The following C8orf88 variants were observed in gnomAD, a reference collection of about 807,000 sequenced individuals.
C8orf88 encodes the protein chromosome 8 open reading frame 88.
In C8orf88, 14 loss-of-function variants were observed where a neutral mutation model predicts 18.4. The observed-to-expected ratio is 0.76, with a 90% CI of 0.50 to 1.19. The LOEUF is 1.19. Ranked by LOEUF, C8orf88 falls within the 50% of genes most tolerant of loss-of-function variation. C8orf88 has a pLI of 0.00. For missense variants in C8orf88, 116 were observed against 134.7 expected, an observed-to-expected ratio of 0.86 and a Z score of 0.69; for synonymous variants, 45 against 42.9, an observed-to-expected ratio of 1.05 and a Z score of -0.19.
Position 90,971,124 on chromosome 8 carries a change from C to T in C8orf88, c.165G>A (p.Met55Ile), listed in dbSNP as rs905374249. The T allele has an allele frequency of 1.3e-6, 2 of 1,520,394 alleles. No individual in the cohort carries two copies. The highest frequency in any genetic ancestry group is 1.2e-5 in the South Asian group (1 of 81,396). 94.2% of individuals were successfully genotyped at this position (1,520,394 alleles called of 1,614,324 possible). The stretch of plus-strand genomic sequence containing the variant: ...CATTAAGACCTTGAGAAAAGGCTTG[C>T]ATTCCATTCGTCTTACACTGTTAAA... ...SGVSRCKTNG[M>I]QAFSQGLNEQ... Residue 55 changes from methionine (M) to isoleucine (I), a missense_variant, in exon 4 of 6, where the codon ATG becomes ATA. Met to Ile is a conservative substitution (Grantham distance 10). Coordinates refer to ENST00000517562, the MANE Select transcript of C8orf88 (RefSeq NM_001190972.2).
At chr8:90,984,835 G>A (rs567210713) in intron 1 of C8orf88, among the ~76,000 whole-genome samples, 2 of 152,202 alleles carry the variant, frequency 1.3e-5, no homozygotes, top group East Asian at 3.9e-4. Context: ...CTTTTTTGGC[G>A]ATGGCTTTGG....
In C8orf88 at chr8:90,977,928, C is replaced by A. The variant is rs143616164; in HGVS notation, c.147+651G>T. On this transcript the variant is annotated intron_variant, in intron 3 of 5. Coordinates refer to ENST00000517562, the MANE Select transcript of C8orf88 (RefSeq NM_001190972.2). ...TGCCATTGCACTCCAGCTTGGGCAA[C>A]AAGAGTGAAACTCCATCTCAAAAAC... Among the ~76,000 whole-genome samples the A allele has an allele frequency of 1.8e-3, 268 of 152,048 alleles. 2 individuals are homozygous for A. Among genetic ancestry groups the A allele is most frequent in the African/African-American group, 6.2e-3 (255 of 41,450 alleles).
Position 90,974,050 on chromosome 8 carries a change from G to A in C8orf88, c.148-2909C>T, listed in dbSNP as rs1185032423. Reference sequence around the variant, plus strand: ...TTAAAAAATAAAAAAGCCTATAGAAGAGAATGGGCAAAGGACAAGAAATGG... The same window carrying A: ...TTAAAAAATAAAAAAGCCTATAGAAAAGAATGGGCAAAGGACAAGAAATGG... On this transcript the variant is annotated intron_variant, in intron 3 of 5. Coordinates refer to ENST00000517562, the MANE Select transcript of C8orf88 (RefSeq NM_001190972.2). Among the ~76,000 whole-genome samples the A allele has an allele frequency of 3.3e-5, 5 of 152,178 alleles. No homozygotes were observed. The East Asian group carries it at 9.7e-4, about 29-fold the overall frequency.
At chr8:90,976,013 G>T (rs1811344152) in intron 3 of C8orf88, among the ~76,000 whole-genome samples, 3 of 150,656 alleles carry the variant, frequency 2.0e-5, no homozygotes, top group Admixed American at 2.0e-4. Context: ...CCAGCACCAA[G>T]GAATATACAT....
chr8:90,984,903 C>T (rs1256420361), intron 1 of C8orf88, among the ~76,000 whole-genome samples: 2 of 152,174 alleles, frequency 1.3e-5, no homozygotes, highest in African/African-American at 4.8e-5. Flanking sequence ...TCTTTCCCCT[C>T]ATCCGACGCT....
intron 4 of C8orf88, among the ~76,000 whole-genome samples, chr8:90,967,487 TCAAGTGTTTAGTAGA>T (rs972777122): frequency 1.1e-4 from 16 of 151,918 alleles, no homozygotes; most frequent in African/African-American, 3.9e-4. Flanking sequence ...TAATTGTTCT[TCAAGTGTTTAGTAGA>T]CAAGTGTTTA....
chr8:90,963,366 A>C (rs929271155), intron 4 of C8orf88, among the ~76,000 whole-genome samples: 1 of 151,790 alleles, frequency 6.6e-6, no homozygotes, highest in African/African-American at 2.4e-5. Context: ...TGACTTCCAG[A>C]GCAGCCACAT....
At chr8:90,978,432 A>G (rs933315796) in intron 3 of C8orf88, 147 bp downstream of exon 3, 21 of 412,102 alleles carry the variant, frequency 5.1e-5, no homozygotes, top group African/African-American at 3.9e-4. Flanking sequence ...GCTGGGTGAC[A>G]GATAAATGGG....
chr8:90,971,175 C>T, intron 3 of C8orf88, 34 bp from the exon 4 acceptor site: 1 of 1,286,116 alleles, frequency 7.8e-7, no homozygotes. Context: ...CTTTTTAACT[C>T]AGGTTTTAAA....
chr8:90,959,080 T>A lies in C8orf88; in HGVS notation c.331-50A>T, dbSNP rs913583110. The A allele has an allele frequency of 3.4e-6, 3 of 881,214 alleles. No individual in the cohort carries two copies. The African/African-American group carries it at 5.2e-5, about 15-fold the overall frequency. The allele number at this position is 881,214 out of a possible 1,614,324, so 54.6% of individuals were successfully genotyped here. On this transcript the variant is annotated intron_variant, in intron 5 of 5. Transcript: ENST00000517562. The stretch of plus-strand genomic sequence containing the variant: ...TTTATCAATTGATTGAATACAGTTT[T>A]TACTAATTAGTTTATCAAACCAAAT...
chr8:90,964,297 G>A (rs980107331), intron 4 of C8orf88, among the ~76,000 whole-genome samples: 5 of 151,608 alleles, frequency 3.3e-5, no homozygotes, highest in Non-Finnish European at 7.4e-5. Flanking sequence ...TCACTTACAA[G>A]AGATTATCTA....
At position 90,978,599 on chromosome 8, in the gene C8orf88, T is replaced by G; in HGVS notation, c.127A>C (p.Ile43Leu). 1 of 1,529,300 alleles carries G rather than the reference T, an allele frequency of 6.5e-7. No individual in the cohort carries two copies. The highest frequency in any genetic ancestry group is 1.4e-5 in the African/African-American group (1 of 73,030). 94.7% of individuals were successfully genotyped at this position (1,529,300 alleles called of 1,614,324 possible). Residue 43 changes from isoleucine (I) to leucine (L), a missense_variant, in exon 3 of 6, where the codon ATA becomes CTA. Physicochemically the swap from Ile to Leu is conservative, Grantham distance 5. Transcript: ENST00000517562. ...CTTACTCTGCTAACTCCACTTTGTA[T>G]GCACTGAGTGTTGCATGGATATTCG... ...QNEYPCNTQCIQSGVSRCKTN... is the reference protein window; with the variant it reads ...QNEYPCNTQCLQSGVSRCKTN...
At chr8:90,976,267 T>C (rs987559345) in intron 3 of C8orf88, among the ~76,000 whole-genome samples, 3 of 152,146 alleles carry the variant, frequency 2.0e-5, no homozygotes, top group Non-Finnish European at 4.4e-5. Flanking sequence ...TTCACCTTAC[T>C]ATATGTAAAT....
At chr8:90,971,261 G>A (rs531583649) in intron 3 of C8orf88, 120 bp from the exon 4 acceptor site, 3 of 467,418 alleles carry the variant, frequency 6.4e-6, no homozygotes, top group African/African-American at 2.0e-5. Context: ...TAAGTAATAA[G>A]CAATCATTAT....
At position 90,974,564 on chromosome 8, in the gene C8orf88, C is replaced by T. The variant is rs550344926; in HGVS notation, c.148-3423G>A. Among the ~76,000 whole-genome samples the T allele has an allele frequency of 2.0e-5, 3 of 152,114 alleles. No individual in the cohort carries two copies. In the South Asian group the frequency reaches 6.2e-4, roughly 32 times the overall value. On this transcript the variant is annotated intron_variant, in intron 3 of 5. Coordinates refer to ENST00000517562, the MANE Select transcript of C8orf88 (RefSeq NM_001190972.2). ...GCTCAGTCCAGTCATCCCAGGAGAC[C>T]ATGAAAGATAAAAATAAGCTATTGT...
intron 3 of C8orf88, among the ~76,000 whole-genome samples, chr8:90,973,235 T>G (rs11779380): frequency 1.3e-5 from 2 of 152,150 alleles, no homozygotes; most frequent in Non-Finnish European, 2.9e-5. Flanking sequence ...TAGGAGATGA[T>G]GCTTATACTG....
chr8:90,971,764 T>C (rs1290126017), intron 3 of C8orf88, among the ~76,000 whole-genome samples: 1 of 152,002 alleles, frequency 6.6e-6, no homozygotes, highest in African/African-American at 2.4e-5. Context: ...TCTGATGATA[T>C]TTTAAAAATC....
At chr8:90,980,966 C>T (rs559646861) in intron 1 of C8orf88, among the ~76,000 whole-genome samples, 36 of 152,136 alleles carry the variant, frequency 2.4e-4, no homozygotes, top group South Asian at 6.2e-4. Flanking sequence ...GCTGATTCCT[C>T]TTCTTCTGTC....
intron 4 of C8orf88, among the ~76,000 whole-genome samples, chr8:90,963,573 A>C (rs1811156746): frequency 6.6e-6 from 1 of 151,942 alleles, no homozygotes; most frequent in Non-Finnish European, 1.5e-5. Flanking sequence ...AAAGAAAATT[A>C]TGAGAAGAGT....
Sources: allele counts gnomAD v4.1 joint callset (sites outside exome capture counted in the v4.1 genomes callset), GRCh38; gene constraint gnomAD v4.1.1; transcripts MANE v1.5; gene names NCBI Gene and HGNC (gene_info 2026-07-23, HGNC 2026-07-21).